Variants in PTH1R observed in about 807,000 individuals in gnomAD.
PTH1R encodes the protein parathyroid hormone 1 receptor, also known as parathyroid hormone/parathyroid hormone-related peptide receptor.
A neutral mutation model predicts 70.7 loss-of-function variants in PTH1R; 32 were observed. That is an observed-to-expected ratio of 0.45 (90% CI 0.34 to 0.61). The LOEUF (loss-of-function observed/expected upper bound fraction) is 0.61. Among genes scored for constraint, PTH1R ranks in the 20% least tolerant of loss-of-function variants. PTH1R has a pLI of 0.01. For missense variants in PTH1R, 626 were observed against 792.5 expected, an observed-to-expected ratio of 0.79 and a Z score of 2.52; for synonymous variants, 329 against 324.8, an observed-to-expected ratio of 1.01 and a Z score of -0.14.
rs2031707233 is a variant in PTH1R at position 46,895,660 on chromosome 3, C to G, written c.179-75C>G. The stretch of plus-strand genomic sequence containing the variant: ...CCCCCCCATTGTACAAAGGGGGAGT[C>G]TGAGGCCAAAGAGTACCCTGGGTCT... On this transcript the variant is annotated intron_variant, in intron 4 of 15. Coordinates refer to ENST00000449590, the MANE Select transcript of PTH1R (RefSeq NM_000316.3). The G allele has an allele frequency of 6.8e-6, 11 of 1,611,244 alleles. No homozygotes were observed. In the South Asian group the frequency reaches 1.2e-4, roughly 18 times the overall value.
At chr3:46,888,858 C>G (rs1575512457) in intron 3 of PTH1R, among the ~76,000 whole-genome samples, 1 of 152,280 alleles carries the variant, frequency 6.6e-6, no homozygotes, top group Non-Finnish European at 1.5e-5. Context: ...CCGAAGGCGG[C>G]CACGCTGGCT....
intron 9 of PTH1R, 140 bp downstream of exon 9, chr3:46,898,997 G>A (rs1198723649): frequency 4.1e-6 from 3 of 732,206 alleles, no homozygotes; most frequent in Non-Finnish European, 6.5e-6. Context: ...CCGTCTTATA[G>A]GGTCCCTCGC....
chr3:46,900,999 C>T (rs2032082024), intron 10 of PTH1R, 26 bp from the exon 11 acceptor site: 5 of 1,570,476 alleles, frequency 3.2e-6, no homozygotes, highest in East Asian at 2.3e-5. Flanking sequence ...CACAGTCCTG[C>T]ACACTGTCCC....
rs2032184440 is a variant in PTH1R at position 46,902,491 on chromosome 3, G to A, written c.1212-35G>A. 6.2e-7 allele frequency: 1 copy of A among 1,605,528 alleles called. No homozygotes were observed. The highest frequency in any genetic ancestry group is 1.7e-5 in the Admixed American group (1 of 59,106). ...GCACAATGCTTGTTGAAGGGGAAGTGGCTTGGCCCTGACCTACCTGCCCCG... is the reference window on the plus strand; with the variant it reads ...GCACAATGCTTGTTGAAGGGGAAGTAGCTTGGCCCTGACCTACCTGCCCCG... On this transcript the variant is annotated intron_variant, in intron 13 of 15. Transcript: ENST00000449590. The surrounding 1 kb of genome is among the most constrained non-coding windows in gnomAD (Gnocchi z 5.4).
Position 46,889,995 on chromosome 3 carries a change from T to C in PTH1R, c.76-3912T>C, listed in dbSNP as rs560281135. 1.6e-4 allele frequency among the ~76,000 whole-genome samples: 24 copies of C among 152,266 alleles called. No individual in the cohort carries two copies. The East Asian group carries it at 2.1e-3, about 13-fold the overall frequency. On this transcript the variant is annotated intron_variant, in intron 3 of 15. Coordinates refer to ENST00000449590, the MANE Select transcript of PTH1R (RefSeq NM_000316.3). ...ATGCCAGGCTGAGAAGAGATACAGC[T>C]GTCAGCATTTCCCCTTCATCCCCAG...
rs1334642116 is a variant in PTH1R, at chr3:46,902,708, G to T, written c.1353+41G>T. 1.2e-6 allele frequency: 2 copies of T among 1,613,988 alleles called. No homozygotes were observed. Among genetic ancestry groups the T allele is most frequent in the East Asian group, 4.5e-5 (2 of 44,858 alleles). On this transcript the variant is annotated intron_variant, in intron 14 of 15. Transcript: ENST00000449590. This position sits in a 1 kb window ranked among gnomAD's most constrained non-coding sequence, Gnocchi z 5.4. ...CCGGGCCTGGCTGAGGGTGGGAGGG[G>T]TTCCGGGGGCAGGCCTGATTCGAGA...
rs1138518 is a variant in PTH1R, at chr3:46,902,784, T to A, written c.1389T>A (p.Asn463Lys). 1.2e-6 allele frequency: 2 copies of A among 1,613,502 alleles called. No homozygotes were observed. The highest frequency in any genetic ancestry group is 1.7e-6 in the Non-Finnish European group (2 of 1,179,960). Residue 463 changes from asparagine (N) to lysine (K), a missense_variant, in exon 15 of 16, where the codon AAT (asparagine) becomes AAA (lysine). Coordinates refer to ENST00000449590, the MANE Select transcript of PTH1R (RefSeq NM_000316.3). The surrounding 1 kb of genome is among the most constrained non-coding windows in gnomAD (Gnocchi z 5.4). ...TCGCAATCATATACTGTTTCTGCAA[T>A]GGCGAGGTAAGCAGGAGACAGTGTT... The part of the protein sequence containing the change: ...FFVAIIYCFC[N>K]GEVQAEIKKS...
rs569649042 is a variant in PTH1R at position 46,893,294 on chromosome 3, C to G, written c.76-613C>G. ...CCCAGCCAGCACCAGAGTGCCCAGC[C>G]CAACCCAGGCCGCATGCCAACAGTT... On this transcript the variant is annotated intron_variant, in intron 3 of 15. Transcript: ENST00000449590. The surrounding 1 kb of genome is among the most constrained non-coding windows in gnomAD (Gnocchi z 5.2). Among the ~76,000 whole-genome samples the G allele has an allele frequency of 2.0e-5, 3 of 152,252 alleles. No homozygotes were observed. Among genetic ancestry groups the G allele is most frequent in the South Asian group, 4.2e-4 (2 of 4,816 alleles).
At position 46,901,704 on chromosome 3, in the gene PTH1R, G is replaced by T; in HGVS notation, c.1117-62G>T. 4 of 1,534,228 alleles carry T rather than the reference G, an allele frequency of 2.6e-6. No homozygotes were observed. The South Asian group carries it at 4.5e-5, about 17-fold the overall frequency. On this transcript the variant is annotated intron_variant, in intron 12 of 15. Coordinates refer to ENST00000449590, the MANE Select transcript of PTH1R (RefSeq NM_000316.3). This position sits in a 1 kb window ranked among gnomAD's most constrained non-coding sequence, Gnocchi z 7.3. The stretch of plus-strand genomic sequence containing the variant: ...CAGAGCAGAGCCTATGGCCGTGGCT[G>T]CCAGGCCTTGCCCCGCCCCACTAGG...
intron 3 of PTH1R, among the ~76,000 whole-genome samples, chr3:46,885,506 C>G (rs1391690757): frequency 6.6e-6 from 1 of 152,166 alleles, no homozygotes; most frequent in Non-Finnish European, 1.5e-5. Context: ...TATCTCATGC[C>G]AAGCCCTGTG....
chr3:46,895,680 G>C, intron 4 of PTH1R, 55 bp from the exon 5 acceptor site: 1 of 1,613,220 alleles, frequency 6.2e-7, no homozygotes, highest in Non-Finnish European at 8.5e-7. Context: ...AGAGTACCCT[G>C]GGTCTCCTGT....
intron 3 of PTH1R, among the ~76,000 whole-genome samples, chr3:46,888,818 G>A (rs1462611940): frequency 6.6e-6 from 1 of 152,204 alleles, no homozygotes; most frequent in Non-Finnish European, 1.5e-5. Context: ...AGCCAACTCC[G>A]CTATCCCAGG....
chr3:46,898,716 G>C lies in PTH1R; in HGVS notation c.693G>C (p.Met231Ile), dbSNP rs2031922682. 6.2e-7 allele frequency: 1 copy of C among 1,611,578 alleles called. No individual in the cohort carries two copies. ...ACATGCACCTGTTCCTGTCCTTCAT[G>C]CTGCGCGCCGTGAGCATCTTCGTCA... ...YIHMHLFLSF[M>I]LRAVSIFVKD... The change falls in exon 9 of 16, where the codon ATG becomes ATC. Residue 231 changes from methionine to isoleucine, a missense_variant. By Grantham distance (10) the Met-to-Ile change is conservative. Transcript: ENST00000449590.
At position 46,895,778 on chromosome 3, in the gene PTH1R, A is replaced by G. The variant is rs149655894; in HGVS notation, c.222A>G (p.Thr74=). The change falls in exon 5 of 16, where the codon ACA becomes ACG. Residue 74 remains threonine (T), a synonymous_variant. Coordinates refer to ENST00000449590, the MANE Select transcript of PTH1R (RefSeq NM_000316.3). ...ESDKGWTSAS[T]SGKPRKDKAS... Reference sequence around the variant, plus strand: ...ACAAGGGATGGACATCTGCGTCCACATCAGGGAAGCCCAGGAAAGATAAGG... The same window carrying G: ...ACAAGGGATGGACATCTGCGTCCACGTCAGGGAAGCCCAGGAAAGATAAGG... The G allele has an allele frequency of 3.5e-5, 57 of 1,614,016 alleles. No homozygotes were observed. The highest frequency in any genetic ancestry group is 4.2e-5 in the Non-Finnish European group (49 of 1,180,032).
At chr3:46,880,726 T>C (rs2030498175) in intron 1 of PTH1R, among the ~76,000 whole-genome samples, 1 of 151,430 alleles carries the variant, frequency 6.6e-6, no homozygotes, top group Non-Finnish European at 1.5e-5. Flanking sequence ...GACTTTGTCT[T>C]GAAGAAGAAG....
In PTH1R at chr3:46,883,430, G is replaced by T; in HGVS notation, c.-48-82G>T. 1.5e-6 allele frequency: 1 copy of T among 672,546 alleles called. No individual in the cohort carries two copies. The highest frequency in any genetic ancestry group is 2.0e-6 in the Non-Finnish European group (1 of 507,084). 41.7% of individuals were successfully genotyped at this position (672,546 alleles called of 1,614,324 possible). A position where few individuals can be genotyped will look rare whatever the true frequency, so the allele number is the denominator to read the frequency against. ...GCGCCGGGCCCCGGGGCCTCGGGCC[G>T]CCGGGACGCCGGGGTCCCATAGGCC... On this transcript the variant is annotated intron_variant, in intron 2 of 15. Coordinates refer to ENST00000449590, the MANE Select transcript of PTH1R (RefSeq NM_000316.3). The surrounding 1 kb of genome is among the most constrained non-coding windows in gnomAD (Gnocchi z 6.4).
chr3:46,878,687 T>A (rs1559525120), intron 1 of PTH1R, among the ~76,000 whole-genome samples: 1 of 152,108 alleles, frequency 6.6e-6, no homozygotes, highest in South Asian at 2.1e-4. Flanking sequence ...CTTGTTGGTG[T>A]CTGATGCCCA....
intron 3 of PTH1R, among the ~76,000 whole-genome samples, chr3:46,886,503 G>A (rs1041995475): frequency 3.9e-5 from 6 of 152,192 alleles, no homozygotes; most frequent in Non-Finnish European, 7.4e-5. Flanking sequence ...GATTACAGGC[G>A]CCCGCCACCA....
In PTH1R at chr3:46,885,697, G is replaced by A. The variant is rs190271282; in HGVS notation, c.75+2063G>A. Among the ~76,000 whole-genome samples, 584 of 152,272 alleles carry A rather than the reference G, an allele frequency of 3.8e-3. 3 individuals are homozygous for A. Among genetic ancestry groups the A allele is most frequent in the Non-Finnish European group, 6.4e-3 (432 of 68,020 alleles). On this transcript the variant is annotated intron_variant, in intron 3 of 15. Transcript: ENST00000449590. ...CATGTGAGTTCACTGGACACTCCCT[G>A]GCTTCGGGGCCAGAAGATTGGGACT...
Sources: gnomAD v4.1 joint callset for allele counts (sites outside exome capture counted in the v4.1 genomes callset) on GRCh38, gnomAD v4.1.1 for gene constraint, Gnocchi (gnomAD v3.1) non-coding constraint, MANE v1.5 for transcripts, NCBI Gene and HGNC (gene_info 2026-07-23, HGNC 2026-07-21) for gene names.